The following TBCE variants were observed in gnomAD, a reference collection of about 807,000 sequenced individuals.
TBCE encodes the protein tubulin folding cofactor E.
In TBCE, 53 loss-of-function variants were observed where a neutral mutation model predicts 77.0. That is an observed-to-expected ratio of 0.69 (90% CI 0.55 to 0.87). TBCE has a LOEUF of 0.87. TBCE is among the 40% of genes least tolerant of loss of function. The probability of loss-of-function intolerance (pLI) is 0.00; values close to 1 mark genes in which losing one functional copy is unlikely to be tolerated. For missense variants in TBCE, 624 were observed against 622.4 expected, an observed-to-expected ratio of 1.00 and a Z score of -0.03; for synonymous variants, 235 against 241.3, an observed-to-expected ratio of 0.97 and a Z score of 0.24.
At chr1:235,446,401 T>G (rs1356435530) in intron 15 of TBCE, among the ~76,000 whole-genome samples, 1 of 151,962 alleles carries the variant, frequency 6.6e-6, no homozygotes, top group Non-Finnish European at 1.5e-5. Context: ...GGTCTCAAAC[T>G]CCTGACCTCA....
intron 2 of TBCE, among the ~76,000 whole-genome samples, chr1:235,397,775 G>A (rs1019929453): frequency 8.5e-5 from 13 of 152,186 alleles, no homozygotes; most frequent in African/African-American, 2.7e-4. Context: ...GAGGCTATCA[G>A]GGTTTGTTCG....
chr1:235,388,283 CT>C (rs908940784), intron 2 of TBCE, among the ~76,000 whole-genome samples: 5,360 of 117,354 alleles, frequency 0.046, 70 homozygotes, highest in African/African-American at 0.11. Flanking sequence ...TCTGTTACTT[CT>C]TTTTTTTTTT....
chr1:235,436,949 T>C (rs1681488619), intron 11 of TBCE, among the ~76,000 whole-genome samples: 1 of 147,732 alleles, frequency 6.8e-6, no homozygotes, highest in African/African-American at 2.5e-5. Context: ...TGAAACCCCA[T>C]CTCTACTAAA....
chr1:235,415,053 AC>A (rs1321638801), intron 4 of TBCE: 1 of 237,516 alleles, frequency 4.2e-6, no homozygotes, highest in East Asian at 1.0e-4. Context: ...CATCTTCATC[AC>A]CTGGGGAGCT....
chr1:235,388,803 AAG>A (rs1339419824), intron 2 of TBCE, among the ~76,000 whole-genome samples: 3 of 152,212 alleles, frequency 2.0e-5, no homozygotes, highest in African/African-American at 7.2e-5. Context: ...TGGAAGAGGA[AAG>A]AGAGTAAGCA....
At chr1:235,442,223 T>A (rs1426524595) in intron 14 of TBCE, among the ~76,000 whole-genome samples, 1 of 152,056 alleles carries the variant, frequency 6.6e-6, no homozygotes, top group Non-Finnish European at 1.5e-5. Context: ...CAGACTGGAG[T>A]GCAGTGGCAC....
chr1:235,380,138 C>A lies in TBCE; in HGVS notation c.89C>A (p.Pro30His), dbSNP rs751679100. 1.1e-5 allele frequency: 18 copies of A among 1,609,986 alleles called. No homozygotes were observed. Among genetic ancestry groups the A allele is most frequent in the Non-Finnish European group, 1.4e-5 (17 of 1,178,202 alleles). Residue 30 changes from proline (P) to histidine (H), a missense_variant, in exon 2 of 17, where the codon CCT becomes CAT. Coordinates refer to ENST00000642610, the MANE Select transcript of TBCE (RefSeq NM_003193.5). ...HATVRFAGVVPPVAGPWLGVE... is the reference protein window; with the variant it reads ...HATVRFAGVVHPVAGPWLGVE... ...ACAGTACGTTTTGCTGGTGTTGTCC[C>A]TCCCGTGGCAGGTAAGCAATTATTG...
chr1:235,422,783 C>T lies in TBCE; in HGVS notation c.460+3222C>T, dbSNP rs148045018. On this transcript the variant is annotated intron_variant, in intron 5 of 16. Transcript: ENST00000642610. The stretch of plus-strand genomic sequence containing the variant: ...GGCAGAGGTTGCAGTGAGCCGAGAT[C>T]GCGCCATTGCACTCCAGCCTGGGCG... 4.8e-3 allele frequency among the ~76,000 whole-genome samples: 732 copies of T among 152,238 alleles called. 7 individuals carry two copies. The highest frequency in any genetic ancestry group is 0.016 in the African/African-American group (684 of 41,538).
intron 1 of TBCE, among the ~76,000 whole-genome samples, chr1:235,376,009 G>A (rs1355587620): frequency 6.6e-6 from 1 of 152,078 alleles, no homozygotes; most frequent in Non-Finnish European, 1.5e-5. Context: ...TCACGCCATT[G>A]CACTCCAACC....
At chr1:235,370,038 C>T (rs1014785912) in intron 1 of TBCE, among the ~76,000 whole-genome samples, 3 of 152,052 alleles carry the variant, frequency 2.0e-5, no homozygotes, top group Admixed American at 2.0e-4. Flanking sequence ...TTCTTTACCT[C>T]TCTCATATTT....
At chr1:235,421,107 A>G (rs1455143831) in intron 5 of TBCE, among the ~76,000 whole-genome samples, 3 of 152,232 alleles carry the variant, frequency 2.0e-5, no homozygotes, top group African/African-American at 7.2e-5. Context: ...TGTTGGAGGT[A>G]GGTTAAAAGA....
In TBCE at chr1:235,437,335, A is replaced by G. The variant is rs1681526831; in HGVS notation, c.977A>G (p.Asn326Ser). ...GCTGTGTTTCAGTGGTCGTTTTTCA[A>G]TGAGCTAGAGAAGTTACCAAGTCTA... ...DNQISQWSFF[N>S]ELEKLPSLRA... The change falls in exon 12 of 17, where the codon AAT (asparagine) becomes AGT (serine). Residue 326 changes from asparagine (N) to serine (S), a missense_variant. Transcript: ENST00000642610. The G allele has an allele frequency of 1.2e-6, 2 of 1,614,030 alleles. No homozygotes were observed. The highest frequency in any genetic ancestry group is 8.5e-7 in the Non-Finnish European group (1 of 1,179,986).
rs745861250 is a variant in TBCE, at chr1:235,442,460, G to A, written c.1340-392G>A. Among the ~76,000 whole-genome samples the A allele has an allele frequency of 5.3e-5, 8 of 151,854 alleles. No individual in the cohort carries two copies. The South Asian group carries it at 8.3e-4, about 16-fold the overall frequency. On this transcript the variant is annotated intron_variant, in intron 14 of 16. Coordinates refer to ENST00000642610, the MANE Select transcript of TBCE (RefSeq NM_003193.5). Reference sequence around the variant, plus strand: ...GCTAGGATTAGCGGCATGAGCTACCGCGCCCTGTCAAAGAAATGAATTCTT... The same window carrying A: ...GCTAGGATTAGCGGCATGAGCTACCACGCCCTGTCAAAGAAATGAATTCTT...
chr1:235,401,565 G>C lies in TBCE; in HGVS notation c.163G>C (p.Gly55Arg), dbSNP rs758083615. ...ERGKHDGSHE[G>R]TVYFKCRHPT... ...AGGAAAGCATGATGGGAGCCACGAAGGGACTGTGTATTTTAAATGCAGGTA... is the reference window on the plus strand; with the variant it reads ...AGGAAAGCATGATGGGAGCCACGAACGGACTGTGTATTTTAAATGCAGGTA... Residue 55 changes from glycine to arginine, a missense_variant, in exon 3 of 17, where the codon GGG (glycine) becomes CGG (arginine). Coordinates refer to ENST00000642610, the MANE Select transcript of TBCE (RefSeq NM_003193.5). 1.2e-6 allele frequency: 2 copies of C among 1,613,734 alleles called. No homozygotes were observed. Among genetic ancestry groups the C allele is most frequent in the Non-Finnish European group, 1.7e-6 (2 of 1,179,792 alleles).
Position 235,419,526 on chromosome 1 carries a change from C to T in TBCE, c.425C>T (p.Ala142Val). 1 of 1,614,044 alleles carries T rather than the reference C, an allele frequency of 6.2e-7. No homozygotes were observed. Among genetic ancestry groups the T allele is most frequent in the African/African-American group, 1.3e-5 (1 of 74,996 alleles). The change falls in exon 5 of 17, where the codon GCT becomes GTT. Residue 142 changes from alanine to valine, a missense_variant. Physicochemically the swap from Ala to Val is moderately conservative, Grantham distance 64. Coordinates refer to ENST00000642610, the MANE Select transcript of TBCE (RefSeq NM_003193.5). Reference protein sequence around the residue: ...VSLRNCAVSCAGEKGGVAEAC... With the variant: ...VSLRNCAVSCVGEKGGVAEAC... ...CTGAGGAACTGTGCAGTAAGTTGTG[C>T]TGGTGAAAAAGGAGGAGTTGCTGAA...
chr1:235,401,642 T>A (rs1297998424), intron 3 of TBCE, 55 bp downstream of exon 3: 1 of 1,427,582 alleles, frequency 7.0e-7, no homozygotes, highest in Non-Finnish European at 9.9e-7. Flanking sequence ...TATTTAATAC[T>A]TGAATAAGGA....
chr1:235,379,291 G>T (rs1308288198), intron 1 of TBCE, among the ~76,000 whole-genome samples: 1 of 151,934 alleles, frequency 6.6e-6, no homozygotes, highest in Admixed American at 6.6e-5. Flanking sequence ...ACTTTGGGAG[G>T]CAGAGGAGGG....
At chr1:235,381,685 C>CAAA (rs574997840) in intron 2 of TBCE, among the ~76,000 whole-genome samples, 4 of 43,190 alleles carry the variant, frequency 9.3e-5, no homozygotes, top group Admixed American at 3.8e-4. Context: ...ACTCCTTCTC[C>CAAA]AAAAAAAAAA....
intron 13 of TBCE, chr1:235,441,511 G>T: frequency 2.6e-6 from 1 of 383,942 alleles, no homozygotes; most frequent in Non-Finnish European, 4.8e-6. Context: ...AAGGAACAAT[G>T]ATGTAATACA....
Sources: gnomAD v4.1 joint callset for allele counts (sites outside exome capture counted in the v4.1 genomes callset) on GRCh38, gnomAD v4.1.1 for gene constraint, MANE v1.5 for transcripts, NCBI Gene and HGNC (gene_info 2026-07-23, HGNC 2026-07-21) for gene names.